SAMD5: variants seen among roughly 807,000 people sequenced by gnomAD.
SAMD5 encodes the protein sterile alpha motif domain-containing protein 5.
SAMD5 carries 13 observed loss-of-function variants against 11.3 expected under a neutral mutation model. The ratio of observed to expected loss-of-function variants is 1.15; its 90% CI spans 0.75 to 1.83. The LOEUF is 1.83. SAMD5 is among the 40% of genes most tolerant of loss of function. SAMD5 has a pLI of 0.00. For synonymous variants in SAMD5, 129 were observed against 111.3 expected (o/e 1.16, Z -1.00); for missense variants, 255 against 239.1 (o/e 1.07, Z -0.44).
At chr6:147,775,792 G>A in the SAMD5 span, among the ~76,000 whole-genome samples, 2 of 152,132 alleles carry the variant, frequency 1.3e-5, no homozygotes, top group Non-Finnish European at 2.9e-5. Context: ...CAGACTGAAT[G>A]TAAATCCCTT....
At chr6:147,521,488 C>T (rs746190887) in intron 1 of SAMD5, among the ~76,000 whole-genome samples, 1 of 151,934 alleles carries the variant, frequency 6.6e-6, no homozygotes, top group Non-Finnish European at 1.5e-5. Context: ...TTAGCTATTT[C>T]TTTCAAATTG....
At chr6:147,744,045 T>C in the SAMD5 span, among the ~76,000 whole-genome samples, 1 of 152,246 alleles carries the variant, frequency 6.6e-6, no homozygotes, top group Non-Finnish European at 1.5e-5. Context: ...CAGAGTCACG[T>C]AACTAATGTA....
rs1789053608 is a variant in SAMD5 at position 147,567,088 on chromosome 6, C to A, written c.*2632C>A. 1 of 977,640 alleles carries A rather than the reference C, an allele frequency of 1.0e-6. No homozygotes were observed. Among genetic ancestry groups the A allele is most frequent in the African/African-American group, 1.8e-5 (1 of 56,998 alleles). The allele number at this position is 977,640 out of a possible 1,614,324, so 60.6% of individuals were successfully genotyped here. A position where few individuals can be genotyped will look rare whatever the true frequency, so the allele number is the denominator to read the frequency against. The stretch of plus-strand genomic sequence containing the variant: ...CTTTCACTTGATAATATTGAGGAGT[C>A]TGGAGGGTCATAGCAAAATTTTCTT... On this transcript the variant is annotated 3_prime_UTR_variant, in exon 2 of 2. Transcript: ENST00000367474.
chr6:147,538,476 T>C (rs1255350503), intron 1 of SAMD5, among the ~76,000 whole-genome samples: 1 of 152,250 alleles, frequency 6.6e-6, no homozygotes, highest in Non-Finnish European at 1.5e-5. Flanking sequence ...GTCTTAATTG[T>C]ATGTTATAAT....
At chr6:147,858,237 A>G in the SAMD5 span, among the ~76,000 whole-genome samples, 1,435 of 152,188 alleles carry the variant, frequency 9.4e-3, 27 homozygotes, top group African/African-American at 0.033. Flanking sequence ...GCATATTGCC[A>G]TTGGTCAGTT....
At chr6:147,664,839 C>T (rs1198540291) in intron 1 of SAMD5, among the ~76,000 whole-genome samples, 1 of 152,014 alleles carries the variant, frequency 6.6e-6, no homozygotes, top group Non-Finnish European at 1.5e-5. Context: ...AAAATAGCAC[C>T]AAGCAAGCAT....
At chr6:147,844,918 A>G in the SAMD5 span, among the ~76,000 whole-genome samples, 2 of 152,134 alleles carry the variant, frequency 1.3e-5, no homozygotes, top group Non-Finnish European at 2.9e-5. Flanking sequence ...AATAAGTTCT[A>G]TTGCACAGCA....
chr6:147,888,479 ATGT>A, the SAMD5 span, among the ~76,000 whole-genome samples: 1 of 152,020 alleles, frequency 6.6e-6, no homozygotes, highest in African/African-American at 2.4e-5. Context: ...AGTACTTTTC[ATGT>A]TGTTGGGGCA....
At chr6:147,867,477 G>A in the SAMD5 span, among the ~76,000 whole-genome samples, 7 of 151,792 alleles carry the variant, frequency 4.6e-5, no homozygotes, top group African/African-American at 1.2e-4. Context: ...AAAGAAGTTC[G>A]TGATAAGGGC....
the SAMD5 span, among the ~76,000 whole-genome samples, chr6:147,903,436 T>C: frequency 6.6e-6 from 1 of 152,138 alleles, no homozygotes; most frequent in Non-Finnish European, 1.5e-5. Context: ...TTTTGCTAAA[T>C]GTGCACCTGT....
At chr6:147,511,262 C>G (rs192628577) in intron 1 of SAMD5, among the ~76,000 whole-genome samples, 46 of 152,154 alleles carry the variant, frequency 3.0e-4, no homozygotes, top group African/African-American at 1.1e-3. Flanking sequence ...AAAGGCAGAC[C>G]TACATATCAA....
downstream of SAMD5, among the ~76,000 whole-genome samples, chr6:147,738,786 A>G (rs1791840584): frequency 6.6e-6 from 1 of 152,236 alleles, no homozygotes; most frequent in Admixed American, 6.5e-5. Flanking sequence ...GACTGCCCAC[A>G]GTTGGTACAG....
At chr6:147,510,939 G>A (rs981844847) in intron 1 of SAMD5, among the ~76,000 whole-genome samples, 2 of 152,200 alleles carry the variant, frequency 1.3e-5, no homozygotes, top group African/African-American at 4.8e-5. Context: ...GAGAGATCTG[G>A]TCATCAGTAT....
At chr6:147,761,548 A>G in the SAMD5 span, among the ~76,000 whole-genome samples, 5 of 152,134 alleles carry the variant, frequency 3.3e-5, no homozygotes, top group Admixed American at 6.5e-5. Context: ...TAATTATTAT[A>G]TAATAAAGGT....
intron 1 of SAMD5, among the ~76,000 whole-genome samples, chr6:147,516,264 C>T (rs935680328): frequency 6.6e-6 from 1 of 152,156 alleles, no homozygotes; most frequent in African/African-American, 2.4e-5. Flanking sequence ...GCCCATCTCC[C>T]CGACTAAGAA....
intron 1 of SAMD5, among the ~76,000 whole-genome samples, chr6:147,526,120 A>C (rs2128440617): frequency 6.6e-6 from 1 of 152,336 alleles, no homozygotes; most frequent in African/African-American, 2.4e-5. Flanking sequence ...GTTGCAATTC[A>C]ACTAAAAAGC....
chr6:147,848,698 C>T, the SAMD5 span, among the ~76,000 whole-genome samples: 1 of 152,158 alleles, frequency 6.6e-6, no homozygotes, highest in Admixed American at 6.5e-5. Flanking sequence ...TAAAGCAACC[C>T]TGTCCATTCA....
chr6:147,937,299 G>A, the SAMD5 span, among the ~76,000 whole-genome samples: 1 of 152,118 alleles, frequency 6.6e-6, no homozygotes, highest in African/African-American at 2.4e-5. Flanking sequence ...TATAGTCCAG[G>A]AATCATCCAG....
chr6:147,948,658 G>A, the SAMD5 span, among the ~76,000 whole-genome samples: 6 of 152,070 alleles, frequency 3.9e-5, no homozygotes, highest in Non-Finnish European at 8.8e-5. Context: ...TGTATAGTTA[G>A]GTGCTTAAAG....
Sources: gnomAD v4.1 joint callset for allele counts (sites outside exome capture counted in the v4.1 genomes callset) on GRCh38, gnomAD v4.1.1 for gene constraint, MANE v1.5 for transcripts, NCBI Gene and HGNC (gene_info 2026-07-23, HGNC 2026-07-21) for gene names.